The following TPX2 variants were observed in gnomAD, a reference collection of about 807,000 sequenced individuals.
The protein encoded by TPX2 is TPX2 microtubule nucleation factor.
A neutral mutation model predicts 93.6 loss-of-function variants in TPX2; 21 were observed. The observed-to-expected ratio is 0.22, with a 90% CI of 0.16 to 0.32. The LOEUF is 0.32. Among genes scored for constraint, TPX2 ranks in the 10% least tolerant of loss-of-function variants. The pLI, the probability that TPX2 is intolerant of heterozygous loss-of-function variation, is 1.00. For synonymous variants in TPX2, 281 were observed against 298.3 expected, an observed-to-expected ratio of 0.94 and a Z score of 0.60; for missense variants, 776 against 871.1, an observed-to-expected ratio of 0.89 and a Z score of 1.37.
chr20:31,777,932 A>T (rs1335055626), intron 9 of TPX2, among the ~76,000 whole-genome samples: 1 of 151,672 alleles, frequency 6.6e-6, no homozygotes, highest in Non-Finnish European at 1.5e-5. Flanking sequence ...GCCTGCCACC[A>T]CTCCCAGCTA....
chr20:31,777,356 G>A, intron 8 of TPX2, 131 bp from the exon 9 acceptor site: 1 of 1,043,724 alleles, frequency 9.6e-7, no homozygotes, highest in Admixed American at 2.8e-5. Flanking sequence ...TTCAAGTTTT[G>A]GGTTACAGGT....
intron 9 of TPX2, among the ~76,000 whole-genome samples, chr20:31,778,426 GACCTGATGCAT>G (rs1199752999): frequency 2.6e-5 from 4 of 152,106 alleles, no homozygotes; most frequent in Non-Finnish European, 4.4e-5. Context: ...GAAGCTGCCT[GACCTGATGCAT>G]ACCCAGAGGC....
intron 12 of TPX2, among the ~76,000 whole-genome samples, chr20:31,789,606 CA>C (rs1568605281): frequency 6.7e-6 from 1 of 149,918 alleles, no homozygotes; most frequent in Non-Finnish European, 1.5e-5. Flanking sequence ...CTTAAAATAG[CA>C]AAAACAAAAA....
intron 12 of TPX2, among the ~76,000 whole-genome samples, chr20:31,788,128 G>C (rs2062078332): frequency 6.6e-6 from 1 of 152,018 alleles, no homozygotes; most frequent in South Asian, 2.1e-4. Flanking sequence ...TTATAAGAGA[G>C]TAAGTCGGCC....
intron 10 of TPX2, among the ~76,000 whole-genome samples, chr20:31,781,691 C>T (rs950756769): frequency 6.6e-6 from 1 of 151,870 alleles, no homozygotes; most frequent in Admixed American, 6.6e-5. Context: ...GCCTATAATC[C>T]CAGCACTTTG....
intron 12 of TPX2, among the ~76,000 whole-genome samples, chr20:31,787,296 T>C (rs988320472): frequency 3.3e-5 from 5 of 150,844 alleles, no homozygotes; most frequent in African/African-American, 1.2e-4. Context: ...ACTGTTATCA[T>C]ATTTATTTTG....
At chr20:31,739,670 C>G (rs1024484370) in intron 1 of TPX2, 49 bp downstream of exon 1, 13 of 152,236 alleles carry the variant, frequency 8.5e-5, no homozygotes, top group Non-Finnish European at 1.6e-4. Context: ...TAAACATTGA[C>G]TGAACTAAGC....
At chr20:31,765,900 T>G (rs1217282626) in intron 4 of TPX2, among the ~76,000 whole-genome samples, 1 of 152,210 alleles carries the variant, frequency 6.6e-6, no homozygotes, top group Non-Finnish European at 1.5e-5. Flanking sequence ...TTATTACTAC[T>G]TTTTTGGGAG....
intron 1 of TPX2, among the ~76,000 whole-genome samples, chr20:31,742,223 G>GA (rs2061757345): frequency 6.7e-6 from 1 of 148,376 alleles, no homozygotes; most frequent in Admixed American, 6.8e-5. Flanking sequence ...GCTCAGGCTG[G>GA]AGTGCACTGG....
In TPX2 at chr20:31,778,823, C is replaced by T. The variant is rs748555617; in HGVS notation, c.893C>T (p.Thr298Ile). The T allele has an allele frequency of 6.3e-7, 1 of 1,580,238 alleles. No homozygotes were observed. The highest frequency in any genetic ancestry group is 1.2e-5 in the South Asian group (1 of 84,474). The change falls in exon 10 of 18, where the codon ACT becomes ATT. Residue 298 changes from threonine (T) to isoleucine (I), a missense_variant. Thr to Ile is a moderately conservative substitution (Grantham distance 89). Transcript: ENST00000300403. The part of the protein sequence containing the change: ...RKHPSSPARV[T>I]KGCTIVKPFN... ...CTTTTCTCTTTACAGGCCCGAGTGACTAAGGGATGTACCATTGTTAAGCCT... is the reference window on the plus strand; with the variant it reads ...CTTTTCTCTTTACAGGCCCGAGTGATTAAGGGATGTACCATTGTTAAGCCT...
intron 4 of TPX2, among the ~76,000 whole-genome samples, chr20:31,761,875 A>G (rs1483617362): frequency 6.6e-6 from 1 of 152,102 alleles, no homozygotes; most frequent in Non-Finnish European, 1.5e-5. Flanking sequence ...ACTACTAACA[A>G]TATATAAGAG....
intron 9 of TPX2, among the ~76,000 whole-genome samples, chr20:31,778,566 G>A (rs1011405454): frequency 7.2e-5 from 11 of 152,148 alleles, no homozygotes; most frequent in African/African-American, 2.7e-4. Flanking sequence ...TGGTTGGGGG[G>A]AAATTACCTA....
At chr20:31,766,792 TTAC>T in intron 5 of TPX2, 110 bp downstream of exon 5, 25 of 1,050,352 alleles carry the variant, frequency 2.4e-5, no homozygotes, top group Admixed American at 1.9e-4. Flanking sequence ...CACCTTTATG[TTAC>T]TTTTTTTTTT....
Position 31,749,391 on chromosome 20 carries a change from A to G in TPX2, c.-71+6744A>G, listed in dbSNP as rs140226801. Among the ~76,000 whole-genome samples the G allele has an allele frequency of 5.1e-4, 77 of 152,338 alleles. No homozygotes were observed. The South Asian group carries it at 0.014, about 28-fold the overall frequency. On this transcript the variant is annotated intron_variant, in intron 2 of 17. Transcript: ENST00000300403. ...CTCTGTGCCTCAAGTCCCTCAGTAT[A>G]GAATGAAGATAATAACAGTACCTAC...
chr20:31,756,384 G>A (rs1327307749), intron 2 of TPX2, among the ~76,000 whole-genome samples: 2 of 152,140 alleles, frequency 1.3e-5, no homozygotes, highest in Non-Finnish European at 2.9e-5. Flanking sequence ...CCTGGACTTT[G>A]AATGATGGAT....
chr20:31,745,463 A>G (rs1057104553), intron 2 of TPX2, among the ~76,000 whole-genome samples: 2 of 151,530 alleles, frequency 1.3e-5, no homozygotes, highest in African/African-American at 4.9e-5. Flanking sequence ...CCGAGTAGCT[A>G]GGATTACAGG....
At chr20:31,793,757 C>T in intron 13 of TPX2, 91 bp from the exon 14 acceptor site, 1 of 1,212,310 alleles carries the variant, frequency 8.2e-7, no homozygotes, top group Non-Finnish European at 1.1e-6. Flanking sequence ...TAATTAATGC[C>T]ACATATTAAT....
intron 4 of TPX2, among the ~76,000 whole-genome samples, chr20:31,763,617 A>C (rs2061904361): frequency 6.6e-6 from 1 of 151,972 alleles, no homozygotes. Context: ...TTTGCTTCAT[A>C]TAGTTTGAAG....
chr20:31,756,542 A>G (rs1236428328), intron 2 of TPX2, among the ~76,000 whole-genome samples: 2 of 152,222 alleles, frequency 1.3e-5, no homozygotes, highest in Non-Finnish European at 2.9e-5. Flanking sequence ...AATGTAAAAC[A>G]CCTAGCACAG....
Sources: allele counts gnomAD v4.1 joint callset (sites outside exome capture counted in the v4.1 genomes callset), GRCh38; gene constraint gnomAD v4.1.1; transcripts MANE v1.5; gene names NCBI Gene and HGNC (gene_info 2026-07-23, HGNC 2026-07-21).